CACNA2D2: variants seen among roughly 807,000 people sequenced by gnomAD.
CACNA2D2 encodes the protein calcium voltage-gated channel auxiliary subunit alpha2delta 2.
CACNA2D2 carries 48 observed loss-of-function variants against 166.4 expected under a neutral mutation model. That is an observed-to-expected ratio of 0.29 (90% CI 0.23 to 0.37). The LOEUF is 0.37. Among genes scored for constraint, CACNA2D2 ranks in the 10% least tolerant of loss-of-function variants. The probability of loss-of-function intolerance (pLI) is 1.00; values close to 1 mark genes in which losing one functional copy is unlikely to be tolerated. For synonymous variants in CACNA2D2, 561 were observed against 573.7 expected, an observed-to-expected ratio of 0.98 and a Z score of 0.32; for missense variants, 1,122 against 1,433.0, an observed-to-expected ratio of 0.78 and a Z score of 3.50.
In CACNA2D2 at chr3:50,379,270, A is replaced by T. The variant is rs1575602642; in HGVS notation, c.1153-71T>A. 1.4e-6 allele frequency: 2 copies of T among 1,474,214 alleles called. No homozygotes were observed. The highest frequency in any genetic ancestry group is 2.3e-5 in the South Asian group (2 of 87,230). 91.3% of individuals were successfully genotyped at this position (1,474,214 alleles called of 1,614,324 possible). ...TCCAGGGGCAGGGCCTCCCTCCCGC[A>T]GTGGGCCTGGACCTCTGGCCCTCCT... On this transcript the variant is annotated intron_variant, in intron 11 of 37. Coordinates refer to ENST00000424201, the MANE Select transcript of CACNA2D2 (RefSeq NM_006030.4). The surrounding 1 kb of genome is among the most constrained non-coding windows in gnomAD (Gnocchi z 6.5).
At chr3:50,470,398 T>C (rs1710016354) in intron 2 of CACNA2D2, among the ~76,000 whole-genome samples, 2 of 152,112 alleles carry the variant, frequency 1.3e-5, no homozygotes, top group Non-Finnish European at 1.5e-5. Flanking sequence ...CCAGGGTCCC[T>C]GGGACAGGCA....
chr3:50,460,942 TCACAGAAAGA>T (rs1039453908), intron 2 of CACNA2D2, among the ~76,000 whole-genome samples: 1 of 151,764 alleles, frequency 6.6e-6, no homozygotes, highest in African/African-American at 2.4e-5. Context: ...GAAGATTTTC[TCACAGAAAGA>T]CACAGAAATG....
chr3:50,440,740 C>T (rs892197641), intron 2 of CACNA2D2, among the ~76,000 whole-genome samples: 24 of 151,974 alleles, frequency 1.6e-4, no homozygotes, highest in African/African-American at 5.1e-4. Flanking sequence ...CCTGGAACAG[C>T]AGAGATGGAA....
chr3:50,445,478 C>T (rs1195139676), intron 2 of CACNA2D2, among the ~76,000 whole-genome samples: 1 of 152,260 alleles, frequency 6.6e-6, no homozygotes, highest in Non-Finnish European at 1.5e-5. Context: ...TGCCATCTTA[C>T]TCCCTCCTCT....
At chr3:50,494,147 G>A (rs965635302) in intron 1 of CACNA2D2, among the ~76,000 whole-genome samples, 4 of 152,182 alleles carry the variant, frequency 2.6e-5, no homozygotes, top group South Asian at 2.1e-4. Context: ...CACCCACCAC[G>A]GACTCAGCTC....
chr3:50,385,524 G>A (rs1450661056), intron 5 of CACNA2D2, among the ~76,000 whole-genome samples: 2 of 152,204 alleles, frequency 1.3e-5, no homozygotes, highest in South Asian at 2.1e-4. Flanking sequence ...AAGGGTGACC[G>A]TGCCTCTCCA....
chr3:50,414,849 C>T (rs987948003), intron 3 of CACNA2D2, among the ~76,000 whole-genome samples: 2 of 152,242 alleles, frequency 1.3e-5, no homozygotes, highest in African/African-American at 4.8e-5. Flanking sequence ...CGGCGCAGGG[C>T]TCCGGGAGCC....
chr3:50,482,227 C>A (rs1056784629), intron 1 of CACNA2D2, among the ~76,000 whole-genome samples: 1 of 152,176 alleles, frequency 6.6e-6, no homozygotes, highest in Non-Finnish European at 1.5e-5. Context: ...GCTGGTCCCT[C>A]CCCTAGGCCC....
At chr3:50,372,449 G>A (rs1407263649) in intron 22 of CACNA2D2, among the ~76,000 whole-genome samples, 1 of 152,246 alleles carries the variant, frequency 6.6e-6, no homozygotes, top group African/African-American at 2.4e-5. Flanking sequence ...GTGCCCAGGA[G>A]GCGCGGGTCA....
chr3:50,435,735 C>T (rs1430284506), intron 2 of CACNA2D2, among the ~76,000 whole-genome samples: 1 of 152,166 alleles, frequency 6.6e-6, no homozygotes, highest in African/African-American at 2.4e-5. Flanking sequence ...ACAAAGCCAG[C>T]TCAGGCAATC....
intron 1 of CACNA2D2, among the ~76,000 whole-genome samples, chr3:50,483,897 C>T (rs1362026212): frequency 6.6e-6 from 1 of 152,198 alleles, no homozygotes; most frequent in Non-Finnish European, 1.5e-5. Context: ...TATCCGCAAT[C>T]CTCAGAGGGA....
intron 1 of CACNA2D2, among the ~76,000 whole-genome samples, chr3:50,476,666 G>A (rs1331485588): frequency 6.6e-6 from 1 of 152,194 alleles, no homozygotes; most frequent in African/African-American, 2.4e-5. Context: ...CTGTCACCAA[G>A]TCATTGTGTA....
chr3:50,384,130 G>A, intron 6 of CACNA2D2, 66 bp downstream of exon 6: 4 of 1,583,688 alleles, frequency 2.5e-6, no homozygotes, highest in South Asian at 2.3e-5. Flanking sequence ...ACTCTGGAAT[G>A]CCCTGGCAGT....
chr3:50,500,945 A>G (rs1203235417), intron 1 of CACNA2D2, among the ~76,000 whole-genome samples: 1 of 152,152 alleles, frequency 6.6e-6, no homozygotes, highest in Non-Finnish European at 1.5e-5. Flanking sequence ...CAGCTTGTGA[A>G]GCTGGGCCCC....
intron 3 of CACNA2D2, among the ~76,000 whole-genome samples, chr3:50,397,560 G>C (rs1255567184): frequency 6.6e-6 from 1 of 152,182 alleles, no homozygotes; most frequent in Non-Finnish European, 1.5e-5. Context: ...TCTTGGAGCA[G>C]GGTCTTCACC....
At chr3:50,470,274 A>T (rs1710010746) in intron 2 of CACNA2D2, among the ~76,000 whole-genome samples, 1 of 152,176 alleles carries the variant, frequency 6.6e-6, no homozygotes, top group African/African-American at 2.4e-5. Flanking sequence ...CTGACAGGGA[A>T]CAAGGGACTG....
chr3:50,496,741 C>T (rs1240961099), intron 1 of CACNA2D2, among the ~76,000 whole-genome samples: 1 of 152,210 alleles, frequency 6.6e-6, no homozygotes, highest in Non-Finnish European at 1.5e-5. Flanking sequence ...GATGAGGCTC[C>T]AAGACCCTGA....
chr3:50,365,021 G>T lies in CACNA2D2; in HGVS notation c.3209-51C>A. 1 of 1,602,142 alleles carries T rather than the reference G, an allele frequency of 6.2e-7. No homozygotes were observed. Among genetic ancestry groups the T allele is most frequent in the Non-Finnish European group, 8.5e-7 (1 of 1,174,788 alleles). On this transcript the variant is annotated intron_variant, in intron 36 of 37. Transcript: ENST00000424201. This position sits in a 1 kb window ranked among gnomAD's most constrained non-coding sequence, Gnocchi z 4.5. ...GGCGGACGGCGGCGGCGGCACGGAG[G>T]GGGCGCGCGGGGCAGAGGGGGAGCG...
chr3:50,382,207 G>A (rs982627967), intron 6 of CACNA2D2, among the ~76,000 whole-genome samples: 1 of 152,044 alleles, frequency 6.6e-6, no homozygotes, highest in African/African-American at 2.4e-5. Flanking sequence ...GGCAGGAGTG[G>A]GACACAGCTG....
Sources: gnomAD v4.1 joint callset for allele counts (sites outside exome capture counted in the v4.1 genomes callset) on GRCh38, gnomAD v4.1.1 for gene constraint, Gnocchi (gnomAD v3.1) non-coding constraint, MANE v1.5 for transcripts, NCBI Gene and HGNC (gene_info 2026-07-23, HGNC 2026-07-21) for gene names.